The following SYNRG variants were observed in gnomAD, a reference collection of about 807,000 sequenced individuals.
The protein encoded by SYNRG is synergin gamma.
In SYNRG, 37 loss-of-function variants were observed where a neutral mutation model predicts 130.9. The ratio of observed to expected loss-of-function variants is 0.28; its 90% CI spans 0.22 to 0.37. SYNRG has a LOEUF of 0.37. Ranked by LOEUF, SYNRG falls within the 10% of genes least tolerant of loss-of-function variation. The pLI, the probability that SYNRG is intolerant of heterozygous loss-of-function variation, is 1.00. For synonymous variants in SYNRG, 539 were observed against 568.1 expected (o/e 0.95, Z 0.73); for missense variants, 1,338 against 1,588.9 (o/e 0.84, Z 2.68).
chr17:37,563,940 G>C (rs536559437), intron 11 of SYNRG, among the ~76,000 whole-genome samples: 1 of 150,882 alleles, frequency 6.6e-6, no homozygotes, highest in African/African-American at 2.4e-5. Context: ...CACCTGCCAA[G>C]TTCAGCAATT....
chr17:37,606,317 T>C (rs544015582), intron 1 of SYNRG, among the ~76,000 whole-genome samples: 36 of 152,322 alleles, frequency 2.4e-4, no homozygotes, highest in African/African-American at 8.7e-4. Context: ...TTGATATAGC[T>C]GAAATCCACA....
intron 19 of SYNRG, among the ~76,000 whole-genome samples, chr17:37,529,074 A>G (rs1024677534): frequency 1.3e-5 from 2 of 152,218 alleles, no homozygotes; most frequent in African/African-American, 4.8e-5. Context: ...CTTGAAAAAC[A>G]AAAGTTAGGT....
Position 37,536,245 on chromosome 17 carries a change from G to A in SYNRG, c.3518-118C>T, listed in dbSNP as rs1472798123. The A allele has an allele frequency of 1.8e-5, 22 of 1,216,070 alleles. No homozygotes were observed. In the South Asian group the frequency reaches 2.6e-4, roughly 14 times the overall value. The allele number at this position is 1,216,070 out of a possible 1,614,324, so 75.3% of individuals were successfully genotyped here. On this transcript the variant is annotated intron_variant, in intron 18 of 21. Transcript: ENST00000612223. Reference sequence around the variant, plus strand: ...AAACAATGGGTGTATCTGGACAGAGGTGTACTTACTATTCTTTGGGACCAA... The same window carrying A: ...AAACAATGGGTGTATCTGGACAGAGATGTACTTACTATTCTTTGGGACCAA...
At chr17:37,577,888 C>T (rs1451064092) in intron 6 of SYNRG, among the ~76,000 whole-genome samples, 5 of 150,632 alleles carry the variant, frequency 3.3e-5, no homozygotes, top group African/African-American at 1.2e-4. Flanking sequence ...TTAGTAGAGA[C>T]GGGGTTTCGC....
intron 13 of SYNRG, 121 bp from the exon 14 acceptor site, chr17:37,554,180 A>AG: frequency 7.2e-6 from 6 of 834,216 alleles, no homozygotes; most frequent in Non-Finnish European, 1.1e-5. Context: ...ACATTACTTA[A>AG]TAATGTTTAC....
chr17:37,592,614 C>T (rs1172562518), intron 3 of SYNRG, among the ~76,000 whole-genome samples: 2 of 152,202 alleles, frequency 1.3e-5, no homozygotes, highest in Non-Finnish European at 2.9e-5. Context: ...ACTACTGATA[C>T]ATGCAACAAT....
chr17:37,588,320 T>C (rs958057162), intron 3 of SYNRG, among the ~76,000 whole-genome samples: 1 of 147,388 alleles, frequency 6.8e-6, no homozygotes, highest in African/African-American at 2.5e-5. Flanking sequence ...TGGGATGCAG[T>C]AGGGCAATCT....
Position 37,532,191 on chromosome 17 carries a change from GATA to G in SYNRG, c.3666+3785_3666+3787del, listed in dbSNP as rs1287267489. On this transcript the variant is annotated intron_variant, in intron 19 of 21. Transcript: ENST00000612223. ...TACATAGTGCCTGGCACTGTGCTCA[GATA>G]AAGAAGAAAAGATGAAAAACACAGT... 2.6e-5 allele frequency among the ~76,000 whole-genome samples: 4 copies of G among 152,198 alleles called. No individual in the cohort carries two copies. The East Asian group carries it at 7.7e-4, about 29-fold the overall frequency.
chr17:37,563,984 C>T (rs1478136848), intron 11 of SYNRG, among the ~76,000 whole-genome samples: 1 of 151,952 alleles, frequency 6.6e-6, no homozygotes, highest in Admixed American at 6.6e-5. Context: ...GCTGGGATTA[C>T]AGGCACACAC....
intron 13 of SYNRG, among the ~76,000 whole-genome samples, chr17:37,556,047 T>C (rs1161167398): frequency 6.6e-6 from 1 of 152,232 alleles, no homozygotes; most frequent in African/African-American, 2.4e-5. Flanking sequence ...TTTTTAAAAA[T>C]TACATTTTCC....
At chr17:37,602,073 C>T (rs892466244) in intron 1 of SYNRG, among the ~76,000 whole-genome samples, 7 of 152,058 alleles carry the variant, frequency 4.6e-5, no homozygotes, top group East Asian at 1.9e-4. Flanking sequence ...CAGTGGCTCA[C>T]GTCTGTAATC....
rs1304453059 is a variant in SYNRG at position 37,553,891 on chromosome 17, G to A, written c.1832C>T (p.Pro611Leu). Residue 611 changes from proline to leucine, a missense_variant, in exon 14 of 22, where the codon CCT (proline) becomes CTT (leucine). Transcript: ENST00000612223. Reference sequence around the variant, plus strand: ...CATATCTAGGTCTGCTAAGTTCAGAGGGTTTTTCACTTGTGTTTGTTGTTT... The same window carrying A: ...CATATCTAGGTCTGCTAAGTTCAGAAGGTTTTTCACTTGTGTTTGTTGTTT... ...QQKQQTQVKNPLNLADLDMFS... is the reference protein window; with the variant it reads ...QQKQQTQVKNLLNLADLDMFS... The A allele has an allele frequency of 2.5e-6, 4 of 1,607,016 alleles. No individual in the cohort carries two copies. The highest frequency in any genetic ancestry group is 3.4e-6 in the Non-Finnish European group (4 of 1,178,590).
chr17:37,565,200 G>A (rs187573544), intron 11 of SYNRG, among the ~76,000 whole-genome samples: 2 of 152,138 alleles, frequency 1.3e-5, no homozygotes, highest in East Asian at 3.9e-4. Context: ...GGAGGCAGAA[G>A]TTGCAGTGAG....
chr17:37,532,692 A>AAC (rs1184482731), intron 19 of SYNRG, among the ~76,000 whole-genome samples: 1 of 151,852 alleles, frequency 6.6e-6, no homozygotes, highest in African/African-American at 2.4e-5. Context: ...AAAAAAAAAA[A>AAC]AAATTAGTAG....
At chr17:37,530,434 C>T (rs1218000024) in intron 19 of SYNRG, among the ~76,000 whole-genome samples, 1 of 152,156 alleles carries the variant, frequency 6.6e-6, no homozygotes, top group African/African-American at 2.4e-5. Context: ...TCCTTCTCTA[C>T]CCCACAGCTT....
chr17:37,532,333 A>T (rs192911441), intron 19 of SYNRG, among the ~76,000 whole-genome samples: 5 of 152,290 alleles, frequency 3.3e-5, no homozygotes, highest in Admixed American at 2.0e-4. Context: ...CCACATCAAC[A>T]CTATTAGTAT....
At position 37,576,417 on chromosome 17, in the gene SYNRG, A is replaced by G; in HGVS notation, c.825T>C (p.Gly275=). The G allele has an allele frequency of 1.2e-6, 2 of 1,613,572 alleles. No homozygotes were observed. The stretch of plus-strand genomic sequence containing the variant: ...GATCCTGTGAGGGAAATACTCCCAC[A>G]CCTAGAAGGTAAGAAACATTAATGT... ...SDQNLSIEES[G]VGVFPSQDPA... is the part of the protein sequence containing the mutation. Residue 275 remains glycine (G), a splice_region_variant and synonymous_variant, in exon 8 of 22, where the codon GGT becomes GGC. Coordinates refer to ENST00000612223, the MANE Select transcript of SYNRG (RefSeq NM_007247.6).
chr17:37,537,664 C>T (rs778726025), intron 18 of SYNRG, among the ~76,000 whole-genome samples: 11 of 152,026 alleles, frequency 7.2e-5, no homozygotes, highest in Non-Finnish European at 1.3e-4. Context: ...TAATAAGTAA[C>T]ATATGTAAGA....
chr17:37,520,325 A>C, intron 20 of SYNRG, 111 bp from the exon 21 acceptor site: 1 of 1,405,004 alleles, frequency 7.1e-7, no homozygotes, highest in Non-Finnish European at 1.0e-6. Flanking sequence ...CACTATGCAC[A>C]GGGTGCTGCA....
Sources: allele counts gnomAD v4.1 joint callset (sites outside exome capture counted in the v4.1 genomes callset), GRCh38; gene constraint gnomAD v4.1.1; transcripts MANE v1.5; gene names NCBI Gene and HGNC (gene_info 2026-07-23, HGNC 2026-07-21).